The following CCDC60 variants were observed in gnomAD, a reference collection of about 807,000 sequenced individuals.
The protein encoded by CCDC60 is coiled-coil domain containing 60, also known as coiled-coil domain-containing protein 60.
In CCDC60, 54 loss-of-function variants were observed where a neutral mutation model predicts 63.5. That is an observed-to-expected ratio of 0.85 (90% CI 0.68 to 1.07). The LOEUF (loss-of-function observed/expected upper bound fraction) is 1.07. Among genes scored for constraint, CCDC60 ranks in the 50% least tolerant of loss-of-function variants. The pLI, the probability that CCDC60 is intolerant of heterozygous loss-of-function variation, is 0.00. For missense variants in CCDC60, 651 were observed against 684.3 expected (o/e 0.95, Z 0.54); for synonymous variants, 206 against 238.8 (o/e 0.86, Z 1.27).
intron 13 of CCDC60, among the ~76,000 whole-genome samples, chr12:119,539,621 C>T (rs146165736): frequency 0.014 from 2,141 of 152,306 alleles, 14 homozygotes; most frequent in Non-Finnish European, 0.019. Context: ...TGCTGGGCTC[C>T]GTGGAAGTGG....
intron 2 of CCDC60, among the ~76,000 whole-genome samples, chr12:119,452,863 C>T (rs1278858296): frequency 6.6e-6 from 1 of 151,960 alleles, no homozygotes; most frequent in Non-Finnish European, 1.5e-5. Flanking sequence ...CACTCTGTCA[C>T]GCAGGCTGGA....
intron 2 of CCDC60, among the ~76,000 whole-genome samples, chr12:119,454,023 T>C (rs1950681705): frequency 6.6e-6 from 1 of 152,160 alleles, no homozygotes; most frequent in African/African-American, 2.4e-5. Context: ...TTTTCAACAA[T>C]GTCCCAGGAT....
In CCDC60 at chr12:119,449,556, G is replaced by A. The variant is rs117800296; in HGVS notation, c.170+20794G>A. Among the ~76,000 whole-genome samples the A allele has an allele frequency of 3.1e-3, 470 of 152,310 alleles. 9 individuals are homozygous for A. The East Asian group carries it at 0.055, about 18-fold the overall frequency. On this transcript the variant is annotated intron_variant, in intron 2 of 13. Coordinates refer to ENST00000327554, the MANE Select transcript of CCDC60 (RefSeq NM_178499.5). ...CATTATTACATGCCAAAAAAAAGGC[G>A]TGTATTTAATTAGCATTAAATTCAA...
At chr12:119,485,679 C>CA (rs1951423364) in intron 4 of CCDC60, among the ~76,000 whole-genome samples, 1 of 152,148 alleles carries the variant, frequency 6.6e-6, no homozygotes, top group East Asian at 1.9e-4. Flanking sequence ...AGGGACCACC[C>CA]TAATGGCTTC....
intron 2 of CCDC60, among the ~76,000 whole-genome samples, chr12:119,453,890 T>C (rs1283037012): frequency 6.6e-6 from 1 of 151,832 alleles, no homozygotes; most frequent in Admixed American, 6.6e-5. Context: ...GATGATAATT[T>C]GATGATTGTG....
chr12:119,367,748 T>A lies in CCDC60; in HGVS notation c.90+32482T>A, dbSNP rs554168584. Among the ~76,000 whole-genome samples the A allele has an allele frequency of 9.8e-5, 15 of 152,292 alleles. No individual in the cohort carries two copies. The South Asian group carries it at 3.1e-3, about 32-fold the overall frequency. ...ACATGGAAGAACCTTGAAAACGTTA[T>A]GCAAAATGAAAGAAGCTGGTCACAA... On this transcript the variant is annotated intron_variant, in intron 1 of 13. Transcript: ENST00000327554.
At chr12:119,449,285 G>A (rs1185947737) in intron 2 of CCDC60, among the ~76,000 whole-genome samples, 2 of 152,212 alleles carry the variant, frequency 1.3e-5, no homozygotes, top group Non-Finnish European at 2.9e-5. Context: ...CATAAGGTAG[G>A]TCAGAGACTG....
intron 1 of CCDC60, among the ~76,000 whole-genome samples, chr12:119,423,676 C>G (rs1956853139): frequency 6.6e-6 from 1 of 152,226 alleles, no homozygotes; most frequent in Non-Finnish European, 1.5e-5. Context: ...TTAATTCCTC[C>G]AGCCCTGGAG....
intron 2 of CCDC60, among the ~76,000 whole-genome samples, chr12:119,471,392 A>G (rs1200472664): frequency 6.6e-6 from 1 of 152,230 alleles, no homozygotes; most frequent in African/African-American, 2.4e-5. Context: ...AGTGCCTGCT[A>G]TGCCATTGAT....
chr12:119,393,012 A>C lies in CCDC60; in HGVS notation c.91-35671A>C, dbSNP rs114056099. On this transcript the variant is annotated intron_variant, in intron 1 of 13. Coordinates refer to ENST00000327554, the MANE Select transcript of CCDC60 (RefSeq NM_178499.5). ...ACTACAAAAATACAAAAAATTAAAA[A>C]TATCAGACAGTCATGGTGGCACACG... 9.9e-3 allele frequency among the ~76,000 whole-genome samples: 1,510 copies of C among 152,264 alleles called. 20 individuals are homozygous for C. Among genetic ancestry groups the C allele is most frequent in the African/African-American group, 0.035 (1,464 of 41,540 alleles).
Position 119,421,156 on chromosome 12 carries a change from G to A in CCDC60, c.91-7527G>A, listed in dbSNP as rs185441048. Among the ~76,000 whole-genome samples the A allele has an allele frequency of 2.6e-3, 403 of 152,288 alleles. 1 individual carries two copies. The highest frequency in any genetic ancestry group is 9.0e-3 in the African/African-American group (374 of 41,554). ...CATCTTATTCTAGGAAGTAGATCATGTTTTAAGGAATAACAAAGATGAGTT... is the reference window on the plus strand; with the variant it reads ...CATCTTATTCTAGGAAGTAGATCATATTTTAAGGAATAACAAAGATGAGTT... On this transcript the variant is annotated intron_variant, in intron 1 of 13. Coordinates refer to ENST00000327554, the MANE Select transcript of CCDC60 (RefSeq NM_178499.5).
chr12:119,342,173 A>G (rs1290507587), intron 1 of CCDC60, among the ~76,000 whole-genome samples: 1 of 152,208 alleles, frequency 6.6e-6, no homozygotes, highest in East Asian at 1.9e-4. Context: ...CCTCATGGTC[A>G]CAAAATGGCT....
At chr12:119,346,254 T>G (rs971916228) in intron 1 of CCDC60, among the ~76,000 whole-genome samples, 1 of 151,998 alleles carries the variant, frequency 6.6e-6, no homozygotes, top group African/African-American at 2.4e-5. Context: ...TGGCTACCAC[T>G]TACTGAGCAT....
chr12:119,366,351 G>A (rs763444243), intron 1 of CCDC60, among the ~76,000 whole-genome samples: 1 of 152,212 alleles, frequency 6.6e-6, no homozygotes, highest in Non-Finnish European at 1.5e-5. Flanking sequence ...CCAGGTGACG[G>A]TATTAACGGT....
rs141121391 is a variant in CCDC60 at position 119,338,230 on chromosome 12, G to A, written c.90+2964G>A. Among the ~76,000 whole-genome samples the A allele has an allele frequency of 4.8e-3, 726 of 152,154 alleles. 6 individuals carry two copies. The highest frequency in any genetic ancestry group is 0.01 in the Middle Eastern group (3 of 294). ...AAAGCATTAATTAACCTAATCTAGC[G>A]TCAATAGAAAGTGACAAGCCACAAG... On this transcript the variant is annotated intron_variant, in intron 1 of 13. Coordinates refer to ENST00000327554, the MANE Select transcript of CCDC60 (RefSeq NM_178499.5).
chr12:119,338,806 T>C (rs1955501371), intron 1 of CCDC60, among the ~76,000 whole-genome samples: 1 of 152,072 alleles, frequency 6.6e-6, no homozygotes, highest in South Asian at 2.1e-4. Context: ...CGGGGGAAGG[T>C]ATAGCCACAC....
intron 1 of CCDC60, among the ~76,000 whole-genome samples, chr12:119,347,976 C>T (rs1186878349): frequency 6.6e-6 from 1 of 152,194 alleles, no homozygotes; most frequent in Non-Finnish European, 1.5e-5. Context: ...TTATGCTGAT[C>T]ATTTTTATGC....
chr12:119,349,804 G>C (rs1303001320), intron 1 of CCDC60, among the ~76,000 whole-genome samples: 1 of 152,114 alleles, frequency 6.6e-6, no homozygotes, highest in African/African-American at 2.4e-5. Context: ...CCTGTTCATT[G>C]AATGAAGCCT....
At chr12:119,386,249 C>G (rs867042330) in intron 1 of CCDC60, among the ~76,000 whole-genome samples, 1 of 152,178 alleles carries the variant, frequency 6.6e-6, no homozygotes, top group Non-Finnish European at 1.5e-5. Flanking sequence ...CAGCAGTCCT[C>G]AAACCTCCCT....
Sources: allele counts gnomAD v4.1 joint callset (sites outside exome capture counted in the v4.1 genomes callset), GRCh38; gene constraint gnomAD v4.1.1; transcripts MANE v1.5; gene names NCBI Gene and HGNC (gene_info 2026-07-23, HGNC 2026-07-21).